Variants in RGS18 observed in about 807,000 individuals in gnomAD.
RGS18 encodes regulator of G protein signaling 18.
A neutral mutation model predicts 27.6 loss-of-function variants in RGS18; 22 were observed. The observed-to-expected ratio is 0.80, with a 90% CI of 0.57 to 1.14. RGS18 has a LOEUF of 1.14. RGS18 is among the 50% of genes most tolerant of loss of function. The pLI is 0.00. For synonymous variants in RGS18, 89 were observed against 84.6 expected, an observed-to-expected ratio of 1.05 and a Z score of -0.29; for missense variants, 299 against 269.6, an observed-to-expected ratio of 1.11 and a Z score of -0.76.
intron 2 of RGS18, among the ~76,000 whole-genome samples, chr1:192,159,633 A>G (rs551034931): frequency 2.6e-5 from 4 of 152,198 alleles, no homozygotes; most frequent in Non-Finnish European, 5.9e-5. Flanking sequence ...TCACAATGCA[A>G]TATTGTCATA....
intron 3 of RGS18, chr1:192,161,631 T>C (rs1180742821): frequency 2.6e-5 from 4 of 152,202 alleles, no homozygotes; most frequent in Admixed American, 1.3e-4. Context: ...ACCTTAGTCT[T>C]TGAAATACAA....
At chr1:192,176,324 A>G (rs1483135814) in intron 3 of RGS18, among the ~76,000 whole-genome samples, 1 of 151,446 alleles carries the variant, frequency 6.6e-6, no homozygotes. Flanking sequence ...TAATGCCCAA[A>G]CTCTTATCTC....
At chr1:192,177,373 GT>G (rs557410613) in intron 3 of RGS18, among the ~76,000 whole-genome samples, 201 of 150,172 alleles carry the variant, frequency 1.3e-3, no homozygotes, top group African/African-American at 4.5e-3. Flanking sequence ...AGTGTTTCAT[GT>G]TTTTTTAATA....
At chr1:192,178,500 AC>A (rs1361673500) in intron 3 of RGS18, among the ~76,000 whole-genome samples, 1 of 151,360 alleles carries the variant, frequency 6.6e-6, no homozygotes, top group African/African-American at 2.4e-5. Flanking sequence ...GTAATAGGAA[AC>A]TCTGGAGTTT....
intron 3 of RGS18, among the ~76,000 whole-genome samples, chr1:192,162,819 C>T (rs9660001): frequency 0.63 from 95,216 of 151,860 alleles, 31,190 homozygotes; most frequent in East Asian, 0.79. Context: ...CTTTAGACTC[C>T]TCACCAGTCA....
chr1:192,177,875 G>A (rs1281194921), intron 3 of RGS18, among the ~76,000 whole-genome samples: 1 of 151,646 alleles, frequency 6.6e-6, no homozygotes, highest in Non-Finnish European at 1.5e-5. Flanking sequence ...GAACGCTATT[G>A]GGAAATTTTA....
chr1:192,179,083 A>G (rs1327297758), intron 3 of RGS18, among the ~76,000 whole-genome samples: 17 of 151,566 alleles, frequency 1.1e-4, no homozygotes, highest in African/African-American at 2.4e-5. Context: ...AAACCTAAAC[A>G]GACAACACAC....
intron 3 of RGS18, chr1:192,169,569 C>T (rs575824985): frequency 1.3e-5 from 2 of 152,230 alleles, no homozygotes. Context: ...ATATCATAGA[C>T]AAACAGATCA....
At chr1:192,172,804 C>T (rs1656284291) in intron 3 of RGS18, among the ~76,000 whole-genome samples, 1 of 149,596 alleles carries the variant, frequency 6.7e-6, no homozygotes, top group Admixed American at 6.7e-5. Context: ...GGCATGAACA[C>T]CTTTGGAGGG....
chr1:192,174,259 T>C (rs1468726344), intron 3 of RGS18, among the ~76,000 whole-genome samples: 1 of 151,778 alleles, frequency 6.6e-6, no homozygotes, highest in Non-Finnish European at 1.5e-5. Context: ...TCTATGTTAC[T>C]AGTGTCAATT....
intron 3 of RGS18, among the ~76,000 whole-genome samples, chr1:192,170,103 G>A (rs1656229740): frequency 6.6e-6 from 1 of 152,132 alleles, no homozygotes; most frequent in East Asian, 1.9e-4. Context: ...AGGCCAGTTG[G>A]TGCATAGATT....
In RGS18 at chr1:192,181,452, A is replaced by G. The variant is rs765554278; in HGVS notation, c.444A>G (p.Pro148=). Residue 148 remains proline (P), a synonymous_variant, in exon 4 of 5, where the codon CCA becomes CCG. Transcript: ENST00000367460. ...AGAAATTTATACAGACTGATGCCCCAAAAGAGGTACAGTAAAGATAACTGT... is the reference window on the plus strand; with the variant it reads ...AGAAATTTATACAGACTGATGCCCCGAAAGAGGTACAGTAAAGATAACTGT... ...IYEKFIQTDA[P]KEVNLDFHTK... 1.3e-6 allele frequency: 2 copies of G among 1,541,074 alleles called. No individual in the cohort carries two copies. Among genetic ancestry groups the G allele is most frequent in the Non-Finnish European group, 1.7e-6 (2 of 1,151,364 alleles).
chr1:192,162,130 C>T (rs1324099985), intron 3 of RGS18, among the ~76,000 whole-genome samples: 1 of 152,168 alleles, frequency 6.6e-6, no homozygotes, highest in African/African-American at 2.4e-5. Flanking sequence ...ACTTGTATTC[C>T]TTATATTTCA....
chr1:192,177,065 T>A (rs1656371153), intron 3 of RGS18, among the ~76,000 whole-genome samples: 1 of 151,924 alleles, frequency 6.6e-6, no homozygotes, highest in East Asian at 1.9e-4. Flanking sequence ...AAACTGTCAC[T>A]GATAGCCATT....
chr1:192,168,353 A>G (rs1197979733), intron 3 of RGS18: 2 of 152,122 alleles, frequency 1.3e-5, no homozygotes, highest in African/African-American at 4.8e-5. Context: ...TTTTTGCTTT[A>G]CTATTATATT....
At chr1:192,177,473 G>A (rs1360014295) in intron 3 of RGS18, among the ~76,000 whole-genome samples, 8 of 151,000 alleles carry the variant, frequency 5.3e-5, no homozygotes, top group Non-Finnish European at 5.9e-5. Context: ...TCTCATGTTG[G>A]GTACTGGAAA....
At chr1:192,183,421 A>C (rs774400525) in intron 4 of RGS18, among the ~76,000 whole-genome samples, 7 of 151,650 alleles carry the variant, frequency 4.6e-5, no homozygotes, top group Non-Finnish European at 1.0e-4. Context: ...ATTTTTTCCC[A>C]TGACTCAAAT....
chr1:192,182,879 G>T (rs1279421569), intron 4 of RGS18, among the ~76,000 whole-genome samples: 1 of 151,478 alleles, frequency 6.6e-6, no homozygotes, highest in Admixed American at 6.6e-5. Context: ...ACGGAGTTTT[G>T]TTTGCTTTAG....
At chr1:192,166,202 AAC>A (rs1439991244) in intron 3 of RGS18, among the ~76,000 whole-genome samples, 3 of 152,180 alleles carry the variant, frequency 2.0e-5, no homozygotes, top group Non-Finnish European at 4.4e-5. Flanking sequence ...ACTGCTGCAT[AAC>A]ACATAACTTC....
Sources: allele counts gnomAD v4.1 joint callset (sites outside exome capture counted in the v4.1 genomes callset), GRCh38; gene constraint gnomAD v4.1.1; transcripts MANE v1.5; gene names NCBI Gene and HGNC (gene_info 2026-07-23, HGNC 2026-07-21).